The following VWC2L variants were observed in gnomAD, a reference collection of about 807,000 sequenced individuals.
VWC2L encodes von Willebrand factor C domain containing 2 like, also known as von Willebrand factor C domain-containing protein 2-like.
A neutral mutation model predicts 21.6 loss-of-function variants in VWC2L; 10 were observed. The observed-to-expected ratio is 0.46, with a 90% confidence interval of 0.29 to 0.78. VWC2L has a LOEUF of 0.78. VWC2L is among the 30% of genes least tolerant of loss of function. The pLI is 0.10. For synonymous variants in VWC2L, 96 were observed against 94.3 expected (o/e 1.02, Z -0.10); for missense variants, 209 against 277.1 (o/e 0.75, Z 1.74).
At chr2:214,424,337 G>A (rs1055794907) in intron 2 of VWC2L, among the ~76,000 whole-genome samples, 4 of 152,104 alleles carry the variant, frequency 2.6e-5, no homozygotes, top group African/African-American at 9.7e-5. Context: ...AGCAGTACAC[G>A]TTAGTATACT....
intron 2 of VWC2L, among the ~76,000 whole-genome samples, chr2:214,418,759 T>A (rs1204161254): frequency 1.3e-5 from 2 of 152,202 alleles, no homozygotes; most frequent in African/African-American, 4.8e-5. Flanking sequence ...TATGTGTTGA[T>A]CTCTTCATTT....
intron 3 of VWC2L, among the ~76,000 whole-genome samples, chr2:214,525,604 G>C (rs543907154): frequency 6.6e-6 from 1 of 152,088 alleles, no homozygotes; most frequent in Admixed American, 6.5e-5. Context: ...CTTCTGACCG[G>C]TGTTCTAAGA....
chr2:214,513,249 T>A (rs1223765610), intron 3 of VWC2L, among the ~76,000 whole-genome samples: 2 of 152,106 alleles, frequency 1.3e-5, no homozygotes, highest in African/African-American at 4.8e-5. Context: ...ACTAGACCTT[T>A]CCCCTGACCT....
At chr2:214,563,378 T>A (rs1690007052) in intron 3 of VWC2L, among the ~76,000 whole-genome samples, 1 of 151,488 alleles carries the variant, frequency 6.6e-6, no homozygotes, top group African/African-American at 2.4e-5. Context: ...AAACCCCATC[T>A]CTACTAAAAA....
chr2:214,557,530 A>T (rs1044412776), intron 3 of VWC2L, among the ~76,000 whole-genome samples: 1 of 152,130 alleles, frequency 6.6e-6, no homozygotes, highest in African/African-American at 2.4e-5. Context: ...CCAAATTGAT[A>T]CCACTACAAA....
At chr2:214,425,264 G>C (rs553264951) in intron 2 of VWC2L, among the ~76,000 whole-genome samples, 1 of 152,212 alleles carries the variant, frequency 6.6e-6, no homozygotes, top group Non-Finnish European at 1.5e-5. Flanking sequence ...GGTTACAGCC[G>C]TTTGGGTACT....
chr2:214,422,441 G>GC (rs1702456804), intron 2 of VWC2L, among the ~76,000 whole-genome samples: 2 of 151,990 alleles, frequency 1.3e-5, no homozygotes, highest in Non-Finnish European at 2.9e-5. Flanking sequence ...TTGTTATCCT[G>GC]CATCTTAATT....
intron 3 of VWC2L, among the ~76,000 whole-genome samples, chr2:214,509,269 G>A (rs1574605389): frequency 6.6e-6 from 1 of 152,236 alleles, no homozygotes; most frequent in East Asian, 1.9e-4. Context: ...TTAAACATGA[G>A]GCAATTGATG....
intron 2 of VWC2L, among the ~76,000 whole-genome samples, chr2:214,423,166 G>A (rs1355173725): frequency 1.3e-5 from 2 of 151,872 alleles, no homozygotes; most frequent in Non-Finnish European, 2.9e-5. Context: ...CTTGGTTTGG[G>A]ATTTTATTTC....
intron 3 of VWC2L, among the ~76,000 whole-genome samples, chr2:214,562,325 A>T (rs1227876965): frequency 6.6e-6 from 1 of 152,222 alleles, no homozygotes; most frequent in Non-Finnish European, 1.5e-5. Context: ...ACGTGATGTC[A>T]TTCCATTTAA....
At chr2:214,520,348 A>G (rs1471424346) in intron 3 of VWC2L, among the ~76,000 whole-genome samples, 2 of 152,142 alleles carry the variant, frequency 1.3e-5, no homozygotes, top group African/African-American at 4.8e-5. Context: ...TGAAAATGGG[A>G]CTTTAATGTC....
intron 3 of VWC2L, among the ~76,000 whole-genome samples, chr2:214,558,818 T>TG (rs1014967880): frequency 2.0e-5 from 3 of 152,062 alleles, no homozygotes; most frequent in African/African-American, 7.2e-5. Flanking sequence ...GTTTTGTTTT[T>TG]TTTTTTTAAA....
chr2:214,441,196 A>C (rs1205362076), intron 3 of VWC2L, among the ~76,000 whole-genome samples: 6 of 152,170 alleles, frequency 3.9e-5, no homozygotes. Context: ...AGCCATGCAC[A>C]ATAAGAAAGA....
At chr2:214,500,139 C>G (rs139955098) in intron 3 of VWC2L, among the ~76,000 whole-genome samples, 178 of 152,312 alleles carry the variant, frequency 1.2e-3, no homozygotes, top group African/African-American at 4.1e-3. Flanking sequence ...CATATACACA[C>G]ATAAGAAACC....
chr2:214,456,148 G>C lies in VWC2L; in HGVS notation c.520+19390G>C, dbSNP rs535106622. Among the ~76,000 whole-genome samples the C allele has an allele frequency of 3.3e-5, 5 of 152,162 alleles. No homozygotes were observed. In the East Asian group the frequency reaches 9.7e-4, roughly 29 times the overall value. On this transcript the variant is annotated intron_variant, in intron 3 of 3. Coordinates refer to ENST00000312504, the MANE Select transcript of VWC2L (RefSeq NM_001080500.4). ...TCAATAATGGCTGTACCAATTTACAGTCCCATTAACAGTGTATAAGCTTCC... is the reference window on the plus strand; with the variant it reads ...TCAATAATGGCTGTACCAATTTACACTCCCATTAACAGTGTATAAGCTTCC...
chr2:214,555,787 A>C (rs1689864137), intron 3 of VWC2L, among the ~76,000 whole-genome samples: 1 of 152,184 alleles, frequency 6.6e-6, no homozygotes, highest in Non-Finnish European at 1.5e-5. Context: ...ATTGTACTTT[A>C]TTTATTTGCT....
chr2:214,490,543 G>C (rs1688731972), intron 3 of VWC2L, among the ~76,000 whole-genome samples: 1 of 152,064 alleles, frequency 6.6e-6, no homozygotes, highest in African/African-American at 2.4e-5. Context: ...GAAGGAGAAG[G>C]ACTGATCAGG....
intron 1 of VWC2L, among the ~76,000 whole-genome samples, chr2:214,413,775 TC>T (rs1236679001): frequency 6.6e-6 from 1 of 152,164 alleles, no homozygotes; most frequent in East Asian, 1.9e-4. Context: ...GTTCAAATAT[TC>T]TTGAGCTATT....
chr2:214,557,472 C>T lies in VWC2L; in HGVS notation c.521-18200C>T, dbSNP rs535130562. On this transcript the variant is annotated intron_variant, in intron 3 of 3. Transcript: ENST00000312504. ...GGACACAGCCAAACCATATCAGATG[C>T]TCTTCCACAATATTGCTGAGCTCTG... Among the ~76,000 whole-genome samples the T allele has an allele frequency of 9.2e-5, 14 of 152,226 alleles. No individual in the cohort carries two copies. The East Asian group carries it at 2.7e-3, about 29-fold the overall frequency.
Sources: allele counts gnomAD v4.1 joint callset (sites outside exome capture counted in the v4.1 genomes callset), GRCh38; gene constraint gnomAD v4.1.1; transcripts MANE v1.5; gene names NCBI Gene and HGNC (gene_info 2026-07-23, HGNC 2026-07-21).